The following CLSTN2 variants were observed in gnomAD, a reference collection of about 807,000 sequenced individuals.
The protein encoded by CLSTN2 is calsyntenin-2.
CLSTN2 carries 48 observed loss-of-function variants against 101.2 expected under a neutral mutation model. That is an observed-to-expected ratio of 0.47 (90% CI 0.38 to 0.60). The LOEUF (loss-of-function observed/expected upper bound fraction) is 0.60. CLSTN2 is among the 20% of genes least tolerant of loss of function. CLSTN2 has a pLI of 0.00. For missense variants in CLSTN2, 1,160 were observed against 1,238.2 expected, an observed-to-expected ratio of 0.94 and a Z score of 0.95; for synonymous variants, 481 against 463.6, an observed-to-expected ratio of 1.04 and a Z score of -0.48.
chr3:140,212,931 G>GGGAA (rs2010876114), intron 2 of CLSTN2, among the ~76,000 whole-genome samples: 1 of 152,122 alleles, frequency 6.6e-6, no homozygotes, highest in Admixed American at 6.5e-5. Context: ...GGCTCCTTGA[G>GGGAA]GGAAGGTGCA....
intron 1 of CLSTN2, among the ~76,000 whole-genome samples, chr3:140,174,838 C>T (rs1283924236): frequency 6.6e-6 from 1 of 152,166 alleles, no homozygotes; most frequent in Non-Finnish European, 1.5e-5. Flanking sequence ...GATGGGAACA[C>T]AGAGCCAAAC....
rs1985249278 is a variant in CLSTN2, at chr3:140,566,602, C to T, written c.*349C>T. ...CCTTTGTGTCACTCACCTCCCCAGG[C>T]TCAGAGTCCCCAAGGCCCTGGGGTT... On this transcript the variant is annotated 3_prime_UTR_variant, in exon 17 of 17. Coordinates refer to ENST00000458420, the MANE Select transcript of CLSTN2 (RefSeq NM_022131.3). The T allele has an allele frequency of 3.2e-6, 1 of 316,042 alleles. No homozygotes were observed. Among genetic ancestry groups the T allele is most frequent in the South Asian group, 3.9e-5 (1 of 25,350 alleles). 19.6% of individuals were successfully genotyped at this position (316,042 alleles called of 1,614,324 possible). A position where few individuals can be genotyped will look rare whatever the true frequency, so the allele number is the denominator to read the frequency against.
intron 1 of CLSTN2, among the ~76,000 whole-genome samples, chr3:140,171,859 TATA>T (rs951541655): frequency 3.3e-5 from 4 of 119,692 alleles, no homozygotes; most frequent in Middle Eastern, 3.7e-3. Context: ...ATATATATTA[TATA>T]ATAACAATAT....
intron 2 of CLSTN2, among the ~76,000 whole-genome samples, chr3:140,375,614 C>T (rs1174467494): frequency 3.9e-5 from 6 of 152,294 alleles, no homozygotes; most frequent in African/African-American, 1.4e-4. Flanking sequence ...TGACTTGTGC[C>T]TTAATGGCTC....
intron 2 of CLSTN2, among the ~76,000 whole-genome samples, chr3:140,311,287 CTTTTTTTTTTTTTTTTTTTT>C (rs750088450): frequency 3.3e-4 from 17 of 52,080 alleles, no homozygotes; most frequent in South Asian, 8.8e-4. Context: ...GTTTATTATC[CTTTTTTTTTTTTTTTTTTTT>C]TTTTTTTTTT....
At chr3:140,499,917 A>T (rs77178736) in intron 8 of CLSTN2, among the ~76,000 whole-genome samples, 1 of 152,088 alleles carries the variant, frequency 6.6e-6, no homozygotes, top group African/African-American at 2.4e-5. Flanking sequence ...TACAAAAAAA[A>T]TTAGCCGGGC....
intron 8 of CLSTN2, among the ~76,000 whole-genome samples, chr3:140,480,999 T>A (rs1297209115): frequency 6.6e-6 from 1 of 152,218 alleles, no homozygotes; most frequent in African/African-American, 2.4e-5. Flanking sequence ...GCTTTTGGTG[T>A]TTTAGACATG....
At chr3:140,486,462 G>A (rs1378217512) in intron 8 of CLSTN2, among the ~76,000 whole-genome samples, 1 of 152,202 alleles carries the variant, frequency 6.6e-6, no homozygotes, top group Non-Finnish European at 1.5e-5. Flanking sequence ...TGTTAAATGA[G>A]TTCTACTGAT....
chr3:140,124,909 G>C (rs1037973438), intron 1 of CLSTN2, among the ~76,000 whole-genome samples: 2 of 152,184 alleles, frequency 1.3e-5, no homozygotes, highest in African/African-American at 2.4e-5. Context: ...AGGGAAGGGG[G>C]AGCAACAAAG....
At chr3:140,220,657 T>C (rs1478124805) in intron 2 of CLSTN2, among the ~76,000 whole-genome samples, 2 of 152,244 alleles carry the variant, frequency 1.3e-5, no homozygotes, top group African/African-American at 2.4e-5. Context: ...ATTCTAAAGA[T>C]AATGTGAGTG....
chr3:140,547,791 C>T (rs1340871627), intron 10 of CLSTN2, among the ~76,000 whole-genome samples: 3 of 152,150 alleles, frequency 2.0e-5, no homozygotes, highest in East Asian at 1.9e-4. Flanking sequence ...TCACTGTAGC[C>T]CCCACTCAAT....
At chr3:140,176,164 A>T in intron 2 of CLSTN2, 91 bp downstream of exon 2, 1 of 1,398,278 alleles carries the variant, frequency 7.2e-7, no homozygotes, top group Admixed American at 1.9e-5. Context: ...CTTTATAGCT[A>T]TTGTCACCAC....
intron 2 of CLSTN2, among the ~76,000 whole-genome samples, chr3:140,328,305 C>CAG (rs1380934502): frequency 6.6e-6 from 1 of 152,152 alleles, no homozygotes; most frequent in East Asian, 1.9e-4. Flanking sequence ...GAGACCAACT[C>CAG]CTTAAGCTGT....
chr3:140,427,193 A>ATATATATGTGTGTGTGTG (rs2088577332), intron 5 of CLSTN2, among the ~76,000 whole-genome samples: 1 of 83,750 alleles, frequency 1.2e-5, no homozygotes, highest in African/African-American at 7.0e-5. Context: ...AAATATATAT[A>ATATATATGTGTGTGTGTG]TATATATATA....
chr3:140,163,629 T>C (rs1254436492), intron 1 of CLSTN2, among the ~76,000 whole-genome samples: 1 of 151,466 alleles, frequency 6.6e-6, no homozygotes, highest in Non-Finnish European at 1.5e-5. Context: ...ACTGAATGTG[T>C]GCCATTGCAT....
At chr3:140,550,914 G>A (rs1191561160) in intron 10 of CLSTN2, among the ~76,000 whole-genome samples, 2 of 151,432 alleles carry the variant, frequency 1.3e-5, no homozygotes, top group Non-Finnish European at 2.9e-5. Flanking sequence ...CATTCCTAGG[G>A]CATGGCTGGT....
At chr3:140,546,372 A>G in intron 9 of CLSTN2, 143 bp from the exon 10 acceptor site, 1 of 741,576 alleles carries the variant, frequency 1.3e-6, no homozygotes, top group Non-Finnish European at 2.2e-6. Context: ...GATTCTGGCT[A>G]CTGTGTTCAT....
intron 2 of CLSTN2, among the ~76,000 whole-genome samples, chr3:140,349,975 T>C (rs1164969653): frequency 6.6e-6 from 1 of 152,194 alleles, no homozygotes. Context: ...CTCTCATAGA[T>C]TGAATGCGTC....
At chr3:139,955,746 C>T (rs939441395) in intron 1 of CLSTN2, among the ~76,000 whole-genome samples, 17 of 152,146 alleles carry the variant, frequency 1.1e-4, no homozygotes, top group African/African-American at 4.1e-4. Context: ...CCTTTTGTTC[C>T]TGACCTTGAC....
Sources: gnomAD v4.1 joint callset for allele counts (sites outside exome capture counted in the v4.1 genomes callset) on GRCh38, gnomAD v4.1.1 for gene constraint, MANE v1.5 for transcripts, NCBI Gene and HGNC (gene_info 2026-07-23, HGNC 2026-07-21) for gene names.